Variants in CHRM3 observed in about 807,000 individuals in gnomAD.
CHRM3 encodes cholinergic receptor muscarinic 3.
CHRM3 carries 11 observed loss-of-function variants against 41.8 expected under a neutral mutation model. The observed-to-expected ratio is 0.26, with a 90% CI of 0.17 to 0.44. The LOEUF is 0.44. CHRM3 is among the 20% of genes least tolerant of loss of function. The pLI, the probability that CHRM3 is intolerant of heterozygous loss-of-function variation, is 1.00. For missense variants in CHRM3, 571 were observed against 745.4 expected (o/e 0.77, Z 2.72); for synonymous variants, 297 against 301.4 (o/e 0.99, Z 0.15).
Position 239,557,533 on chromosome 1 carries a change from A to G in CHRM3, c.-313+11784A>G, listed in dbSNP as rs74520002. Among the ~76,000 whole-genome samples the G allele has an allele frequency of 1.8e-3, 278 of 152,268 alleles. 3 individuals carry two copies. The East Asian group carries it at 0.019, about 10-fold the overall frequency. ...TGCAGGATGTGCAGGTTTGTGTTAC[A>G]TGGGTAAATGCGTGGCATGGTGCTT... is the stretch of plus-strand genomic sequence containing the variant. On this transcript the variant is annotated intron_variant, in intron 3 of 6. Coordinates refer to ENST00000676153, the MANE Select transcript of CHRM3 (RefSeq NM_001375978.1).
At chr1:239,624,469 A>G (rs1668811749) in intron 3 of CHRM3, among the ~76,000 whole-genome samples, 1 of 108,164 alleles carries the variant, frequency 9.2e-6, no homozygotes, top group South Asian at 4.1e-4. Flanking sequence ...CTCTGATGGT[A>G]GTTTCTTTTG....
intron 2 of CHRM3, among the ~76,000 whole-genome samples, chr1:239,526,845 G>A (rs1208944426): frequency 2.0e-5 from 3 of 152,034 alleles, no homozygotes; most frequent in African/African-American, 4.8e-5. Flanking sequence ...GTCATGGCTG[G>A]GTGCAGTGGC....
intron 3 of CHRM3, among the ~76,000 whole-genome samples, chr1:239,561,283 T>G (rs1263326775): frequency 6.6e-6 from 1 of 152,222 alleles, no homozygotes; most frequent in Non-Finnish European, 1.5e-5. Flanking sequence ...TCAAAATACC[T>G]TAATAAAATC....
intron 5 of CHRM3, among the ~76,000 whole-genome samples, chr1:239,787,547 A>G (rs1669004426): frequency 6.6e-6 from 1 of 152,260 alleles, no homozygotes; most frequent in East Asian, 1.9e-4. Flanking sequence ...GAGGATAGAA[A>G]AAGTATCATG....
intron 3 of CHRM3, among the ~76,000 whole-genome samples, chr1:239,616,111 T>C (rs549876192): frequency 6.6e-6 from 1 of 152,186 alleles, no homozygotes; most frequent in African/African-American, 2.4e-5. Flanking sequence ...TTATTATCAA[T>C]CCGCAAGTTG....
At chr1:239,616,881 A>G (rs1417070225) in intron 3 of CHRM3, among the ~76,000 whole-genome samples, 2 of 124,778 alleles carry the variant, frequency 1.6e-5, no homozygotes, top group Non-Finnish European at 3.3e-5. Context: ...TTGTTGTGCA[A>G]TGCAGAGTGC....
chr1:239,432,918 A>G (rs1370367708), intron 1 of CHRM3, among the ~76,000 whole-genome samples: 1 of 152,134 alleles, frequency 6.6e-6, no homozygotes, highest in Non-Finnish European at 1.5e-5. Flanking sequence ...TAATTCAACA[A>G]CTATTTATTG....
intron 6 of CHRM3, among the ~76,000 whole-genome samples, chr1:239,840,804 C>T (rs1454494687): frequency 1.3e-5 from 2 of 152,144 alleles, no homozygotes; most frequent in African/African-American, 2.4e-5. Context: ...TGTTTTCTCT[C>T]CAGAATTTCT....
At chr1:239,632,970 A>T (rs1670016067) in intron 4 of CHRM3, among the ~76,000 whole-genome samples, 1 of 152,136 alleles carries the variant, frequency 6.6e-6, no homozygotes, top group African/African-American at 2.4e-5. Flanking sequence ...GAAGCAAGCC[A>T]TGTCTTTTTT....
chr1:239,496,934 T>C (rs1022050518), intron 2 of CHRM3, among the ~76,000 whole-genome samples: 9 of 152,052 alleles, frequency 5.9e-5, no homozygotes, highest in Non-Finnish European at 1.0e-4. Context: ...CTCTTATGCT[T>C]ATAGTAAGAA....
intron 3 of CHRM3, among the ~76,000 whole-genome samples, chr1:239,621,253 C>G (rs564278852): frequency 6.6e-6 from 1 of 152,296 alleles, no homozygotes; most frequent in East Asian, 1.9e-4. Context: ...GCTCCACCAA[C>G]CACCCATTTC....
At chr1:239,850,643 G>T in intron 6 of CHRM3, among the ~76,000 whole-genome samples, 1 of 152,080 alleles carries the variant, frequency 6.6e-6, no homozygotes, top group East Asian at 1.9e-4. Context: ...CACGTGTTTC[G>T]GGAGGGACCT....
chr1:239,726,614 T>A (rs1399396249), intron 5 of CHRM3, among the ~76,000 whole-genome samples: 1 of 151,988 alleles, frequency 6.6e-6, no homozygotes, highest in Non-Finnish European at 1.5e-5. Flanking sequence ...TCTGATTCTC[T>A]ATAAGATGCA....
intron 2 of CHRM3, among the ~76,000 whole-genome samples, chr1:239,524,487 C>T (rs932284581): frequency 2.0e-5 from 3 of 151,810 alleles, no homozygotes; most frequent in African/African-American, 4.8e-5. Flanking sequence ...TGACCGCTCT[C>T]GGGGTTAGTT....
At chr1:239,759,110 A>C (rs1019677511) in intron 5 of CHRM3, among the ~76,000 whole-genome samples, 1 of 151,054 alleles carries the variant, frequency 6.6e-6, no homozygotes, top group African/African-American at 2.4e-5. Flanking sequence ...AAAAGCAGGC[A>C]TGAAAACCAA....
intron 3 of CHRM3, among the ~76,000 whole-genome samples, chr1:239,547,411 G>A (rs540941536): frequency 1.4e-4 from 21 of 152,298 alleles, no homozygotes; most frequent in African/African-American, 4.8e-4. Context: ...GAGTGTTTGG[G>A]AGCAGTGTGA....
At chr1:239,634,191 C>T (rs1670186114) in intron 4 of CHRM3, among the ~76,000 whole-genome samples, 1 of 152,132 alleles carries the variant, frequency 6.6e-6, no homozygotes, top group East Asian at 1.9e-4. Flanking sequence ...TTGCTGATTA[C>T]ATTTTATAGT....
chr1:239,662,106 TG>T (rs1329692468), intron 4 of CHRM3, among the ~76,000 whole-genome samples: 2 of 7,726 alleles, frequency 2.6e-4, no homozygotes, highest in Non-Finnish European at 5.8e-4. Flanking sequence ...CAGTTTTAGA[TG>T]TGTGTGTGTG....
At chr1:239,608,635 G>A (rs1002356715) in intron 3 of CHRM3, among the ~76,000 whole-genome samples, 1 of 152,136 alleles carries the variant, frequency 6.6e-6, no homozygotes, top group Non-Finnish European at 1.5e-5. Context: ...GCACCACCTT[G>A]CAAGTGCCAT....
Sources: gnomAD v4.1 joint callset for allele counts (sites outside exome capture counted in the v4.1 genomes callset) on GRCh38, gnomAD v4.1.1 for gene constraint, MANE v1.5 for transcripts, NCBI Gene and HGNC (gene_info 2026-07-23, HGNC 2026-07-21) for gene names.